Variants in HLF observed in about 807,000 individuals in gnomAD.
HLF encodes HLF transcription factor, PAR bZIP family member, also known as hepatic leukemia factor.
Under a neutral mutation model 22.6 loss-of-function variants are expected in HLF, and 3 were observed. That is an observed-to-expected ratio of 0.13 (90% confidence interval 0.06 to 0.34). HLF has a LOEUF of 0.34. HLF is among the 10% of genes least tolerant of loss of function. HLF has a pLI of 1.00. For missense variants in HLF, 299 were observed against 389.2 expected, an observed-to-expected ratio of 0.77 and a Z score of 1.95; for synonymous variants, 151 against 151.8, an observed-to-expected ratio of 0.99 and a Z score of 0.04.
At position 55,270,885 on chromosome 17, in the gene HLF, G is replaced by A. The variant is rs369961725; in HGVS notation, c.451+2799G>A. 9.2e-5 allele frequency among the ~76,000 whole-genome samples: 14 copies of A among 151,952 alleles called. No homozygotes were observed. In the South Asian group the frequency reaches 1.0e-3, roughly 11 times the overall value. Reference sequence around the variant, plus strand: ...TCTCGATCGCCTGACCTCGTGATCCGCCCGCCTCGGCCTCCCAAAGTGCTG... The same window carrying A: ...TCTCGATCGCCTGACCTCGTGATCCACCCGCCTCGGCCTCCCAAAGTGCTG... On this transcript the variant is annotated intron_variant, in intron 2 of 3. Transcript: ENST00000226067.
chr17:55,284,893 C>T (rs76857086), intron 2 of HLF, among the ~76,000 whole-genome samples: 1 of 152,280 alleles, frequency 6.6e-6, no homozygotes, highest in African/African-American at 2.4e-5. Context: ...CCACTAATCC[C>T]CTTTCTTCCT....
chr17:55,320,930 G>C lies in HLF; in HGVS notation c.*51G>C. On this transcript the variant is annotated 3_prime_UTR_variant, in exon 4 of 4. Coordinates refer to ENST00000226067, the MANE Select transcript of HLF (RefSeq NM_002126.5). The surrounding 1 kb of genome is among the most constrained non-coding windows in gnomAD (Gnocchi z 4.2). The stretch of plus-strand genomic sequence containing the variant: ...GGAATAGATGGACAGTTTGTTTCCT[G>C]TCTGATAGCACCACACGCAAACCAA... 6.9e-7 allele frequency: 1 copy of C among 1,450,502 alleles called. No individual in the cohort carries two copies. Among genetic ancestry groups the C allele is most frequent in the Non-Finnish European group, 9.5e-7 (1 of 1,050,506 alleles). 89.9% of individuals were successfully genotyped at this position (1,450,502 alleles called of 1,614,324 possible).
intron 2 of HLF, among the ~76,000 whole-genome samples, chr17:55,310,920 G>A (rs985182268): frequency 6.6e-6 from 1 of 151,968 alleles, no homozygotes; most frequent in Non-Finnish European, 1.5e-5. Flanking sequence ...AAATGTGAAA[G>A]GCTAAAATAA....
chr17:55,289,501 T>TA (rs2081039249), intron 2 of HLF, among the ~76,000 whole-genome samples: 1 of 152,220 alleles, frequency 6.6e-6, no homozygotes, highest in East Asian at 1.9e-4. Context: ...AGTTTACTAA[T>TA]ATGCTGGGGA....
At chr17:55,269,530 T>C (rs2080832602) in intron 2 of HLF, among the ~76,000 whole-genome samples, 1 of 152,202 alleles carries the variant, frequency 6.6e-6, no homozygotes, top group South Asian at 2.1e-4. Flanking sequence ...GTCATTGTGC[T>C]CTGTAGACTG....
rs1491542545 is a variant in HLF at position 55,277,275 on chromosome 17, G to GCA, written c.451+9190_451+9191insAC. Among the ~76,000 whole-genome samples the GCA allele has an allele frequency of 4.7e-5, 5 of 105,866 alleles. 1 individual carries two copies. The highest frequency in any genetic ancestry group is 1.5e-4 in the African/African-American group (5 of 32,770). 69.5% of individuals were successfully genotyped at this position (105,866 alleles called of 152,430 possible). ...TGTGTGTGTGTGTGTGTGTGTGTGT[G>GCA]CGCGCGCATGTGTACGTGGGCATGC... On this transcript the variant is annotated intron_variant, in intron 2 of 3. Transcript: ENST00000226067.
At chr17:55,289,266 G>A (rs1362508221) in intron 2 of HLF, among the ~76,000 whole-genome samples, 1 of 152,192 alleles carries the variant, frequency 6.6e-6, no homozygotes, top group Non-Finnish European at 1.5e-5. Context: ...CACCACAGAG[G>A]TATGTACAGC....
chr17:55,317,630 A>G (rs1012942064), intron 3 of HLF, among the ~76,000 whole-genome samples: 1 of 151,992 alleles, frequency 6.6e-6, no homozygotes, highest in Non-Finnish European at 1.5e-5. Flanking sequence ...AAAGACCATG[A>G]GCTAATATAA....
intron 2 of HLF, among the ~76,000 whole-genome samples, chr17:55,301,861 A>C (rs929301398): frequency 1.4e-4 from 22 of 152,342 alleles, no homozygotes; most frequent in Admixed American, 9.8e-4. Context: ...TCATGACTGC[A>C]CCTGTCTTGT....
intron 2 of HLF, among the ~76,000 whole-genome samples, chr17:55,307,938 C>T (rs987386400): frequency 5.9e-5 from 9 of 151,476 alleles, no homozygotes; most frequent in African/African-American, 4.9e-5. Flanking sequence ...GTCTACATAA[C>T]GTAGGAGGAC....
chr17:55,281,239 C>T (rs2080952524), intron 2 of HLF, among the ~76,000 whole-genome samples: 2 of 152,156 alleles, frequency 1.3e-5, no homozygotes, highest in Admixed American at 6.5e-5. Context: ...CGCGGCCAGG[C>T]GCAGTGGCTC....
intron 2 of HLF, among the ~76,000 whole-genome samples, chr17:55,280,391 T>C (rs1191393426): frequency 1.3e-5 from 2 of 152,228 alleles, no homozygotes; most frequent in Non-Finnish European, 2.9e-5. Flanking sequence ...AATTGCCTGC[T>C]TTCTTGGATA....
chr17:55,311,396 C>T (rs151062495), intron 2 of HLF, among the ~76,000 whole-genome samples: 17,876 of 151,868 alleles, frequency 0.12, 1,844 homozygotes, highest in East Asian at 0.48. Context: ...CCCAGCTACT[C>T]GGGAGGCTGA....
intron 2 of HLF, among the ~76,000 whole-genome samples, chr17:55,290,090 TG>T (rs66571613): frequency 0.69 from 104,158 of 151,434 alleles, 36,701 homozygotes; most frequent in East Asian, 0.85. Context: ...TCCTCAGTGC[TG>T]GAAAATGAAA....
chr17:55,320,145 G>A lies in HLF; in HGVS notation c.673-519G>A, dbSNP rs76910298. On this transcript the variant is annotated intron_variant, in intron 3 of 3. Coordinates refer to ENST00000226067, the MANE Select transcript of HLF (RefSeq NM_002126.5). The surrounding 1 kb of genome is among the most constrained non-coding windows in gnomAD (Gnocchi z 4.2). ...TGCAGTGAACAGTTTATGCTTGTGT[G>A]TACATGCACATGTATGGAGATTGCT... 1.3e-5 allele frequency among the ~76,000 whole-genome samples: 2 copies of A among 152,282 alleles called. No individual in the cohort carries two copies. Among genetic ancestry groups the A allele is most frequent in the East Asian group, 3.9e-4 (2 of 5,182 alleles).
chr17:55,308,498 GA>G, intron 2 of HLF, among the ~76,000 whole-genome samples: 1 of 152,184 alleles, frequency 6.6e-6, no homozygotes, highest in Non-Finnish European at 1.5e-5. Context: ...AAAGAAGGGG[GA>G]AAAAGTCAAC....
At chr17:55,282,764 G>A (rs956132587) in intron 2 of HLF, among the ~76,000 whole-genome samples, 1 of 152,114 alleles carries the variant, frequency 6.6e-6, no homozygotes, top group African/African-American at 2.4e-5. Context: ...TTCACATTTT[G>A]GTGAATGTCT....
chr17:55,287,949 G>A (rs1171668328), intron 2 of HLF, among the ~76,000 whole-genome samples: 1 of 152,170 alleles, frequency 6.6e-6, no homozygotes, highest in African/African-American at 2.4e-5. Context: ...TTTGAAATGA[G>A]TGCTTGTGTT....
chr17:55,271,170 C>T lies in HLF; in HGVS notation c.451+3084C>T, dbSNP rs544978027. ...GGACTTACTTTAGGACCCTGTCACA[C>T]GCATGGATAAACTACCTGCAATGCT... On this transcript the variant is annotated intron_variant, in intron 2 of 3. Coordinates refer to ENST00000226067, the MANE Select transcript of HLF (RefSeq NM_002126.5). Among the ~76,000 whole-genome samples the T allele has an allele frequency of 2.1e-3, 318 of 152,258 alleles. 2 individuals are homozygous for T. Among genetic ancestry groups the T allele is most frequent in the African/African-American group, 6.6e-3 (274 of 41,540 alleles).
Sources: gnomAD v4.1 joint callset for allele counts (sites outside exome capture counted in the v4.1 genomes callset) on GRCh38, gnomAD v4.1.1 for gene constraint, Gnocchi (gnomAD v3.1) non-coding constraint, MANE v1.5 for transcripts, NCBI Gene and HGNC (gene_info 2026-07-23, HGNC 2026-07-21) for gene names.